TBC1D16: variants seen among roughly 807,000 people sequenced by gnomAD.
TBC1D16 encodes TBC1 domain family member 16.
In TBC1D16, 58 loss-of-function variants were observed where a neutral mutation model predicts 74.7. The observed-to-expected ratio is 0.78, with a 90% CI of 0.63 to 0.97. The LOEUF is 0.97. TBC1D16 is among the 50% of genes least tolerant of loss of function. The pLI is 0.00. For missense variants in TBC1D16, 1,014 were observed against 1,079.5 expected (o/e 0.94, Z 0.85); for synonymous variants, 493 against 474.7 (o/e 1.04, Z -0.50).
chr17:79,951,417 C>A, intron 5 of TBC1D16, 33 bp downstream of exon 5: 1 of 1,606,686 alleles, frequency 6.2e-7, no homozygotes, highest in Non-Finnish European at 8.5e-7. Flanking sequence ...GAGTGTCAAC[C>A]GCTGGGCATT....
intron 9 of TBC1D16, among the ~76,000 whole-genome samples, chr17:79,945,349 C>T (rs537907096): frequency 5.2e-4 from 79 of 152,288 alleles, no homozygotes; most frequent in African/African-American, 1.9e-3. Context: ...GAGTGTTGTG[C>T]CCGGGCGTGG....
At chr17:79,991,787 G>A (rs1271131602) in intron 3 of TBC1D16, among the ~76,000 whole-genome samples, 1 of 151,934 alleles carries the variant, frequency 6.6e-6, no homozygotes, top group Non-Finnish European at 1.5e-5. Context: ...GGGGAAGCCT[G>A]CCATCTGCTG....
intron 1 of TBC1D16, among the ~76,000 whole-genome samples, chr17:80,023,659 C>CCA (rs1192194800): frequency 9.0e-6 from 1 of 111,284 alleles, no homozygotes; most frequent in Non-Finnish European, 2.0e-5. Flanking sequence ...GCTGCCGGGC[C>CCA]CCCCCCCACC....
chr17:80,035,374 C>T lies in TBC1D16; in HGVS notation c.-63+421G>A, dbSNP rs943999186. Among the ~76,000 whole-genome samples the T allele has an allele frequency of 6.6e-6, 1 of 152,178 alleles. No individual in the cohort carries two copies. Among genetic ancestry groups the T allele is most frequent in the East Asian group, 1.9e-4 (1 of 5,156 alleles). ...AGCTGAGCGCGCGCTGCTGGGGGGA[C>T]GCACACTTTGGAGGCTGTGTGGGCG... is the stretch of plus-strand genomic sequence containing the variant. On this transcript the variant is annotated intron_variant, in intron 1 of 11. Coordinates refer to ENST00000310924, the MANE Select transcript of TBC1D16 (RefSeq NM_019020.4). This position sits in a 1 kb window ranked among gnomAD's most constrained non-coding sequence, Gnocchi z 5.3.
chr17:79,996,660 TG>T, intron 3 of TBC1D16, among the ~76,000 whole-genome samples: 1 of 152,094 alleles, frequency 6.6e-6, no homozygotes, highest in Non-Finnish European at 1.5e-5. Context: ...GCGGGAGGAT[TG>T]CTTGAGCCCA....
chr17:79,965,262 A>G (rs896772753), intron 3 of TBC1D16, among the ~76,000 whole-genome samples: 2 of 151,990 alleles, frequency 1.3e-5, no homozygotes, highest in Non-Finnish European at 2.9e-5. Context: ...TTGAATTTTT[A>G]GTAGAGACAG....
chr17:79,991,891 G>A (rs1250893834), intron 3 of TBC1D16: 1 of 150,618 alleles, frequency 6.6e-6, no homozygotes, highest in Non-Finnish European at 1.5e-5. Flanking sequence ...GCTCCGGGCA[G>A]CTGGCGGGGG....
intron 3 of TBC1D16, among the ~76,000 whole-genome samples, chr17:79,997,047 A>C (rs2035299658): frequency 6.6e-6 from 1 of 152,228 alleles, no homozygotes; most frequent in Non-Finnish European, 1.5e-5. Flanking sequence ...AGCTGACATC[A>C]TGCAGGGTTC....
chr17:79,951,629 C>G, intron 4 of TBC1D16, 32 bp from the exon 5 acceptor site: 3 of 1,603,372 alleles, frequency 1.9e-6, no homozygotes, highest in Non-Finnish European at 2.6e-6. Flanking sequence ...GAGAGGGAAG[C>G]CCGATGAATA....
intron 3 of TBC1D16, among the ~76,000 whole-genome samples, chr17:79,958,817 TC>T (rs955608318): frequency 6.6e-6 from 1 of 152,056 alleles, no homozygotes; most frequent in Non-Finnish European, 1.5e-5. Context: ...GGAATTGTTT[TC>T]CCCCAAGAGC....
Position 79,950,444 on chromosome 17 carries a change from C to A in TBC1D16, c.1224G>T (p.Leu408=), listed in dbSNP as rs781246801. Residue 408 remains leucine (L), a synonymous_variant, in exon 6 of 12, where the codon CTG becomes CTT. Transcript: ENST00000310924. This position sits in a 1 kb window ranked among gnomAD's most constrained non-coding sequence, Gnocchi z 4.6. The part of the protein sequence containing the change: ...VSAWLNHLNE[L]GQVEEEYKLR... The stretch of plus-strand genomic sequence containing the variant: ...GCTTGTACTCCTCCTCCACCTGGCC[C>A]AGCTCATTCAGGTGGTTGAGCCAGG... 12 of 1,612,786 alleles carry A rather than the reference C, an allele frequency of 7.4e-6. No individual in the cohort carries two copies. The highest frequency in any genetic ancestry group is 1.0e-5 in the Non-Finnish European group (12 of 1,179,880).
chr17:79,940,994 C>T lies in TBC1D16; in HGVS notation c.2169G>A (p.Val723=). 1 of 1,608,260 alleles carries T rather than the reference C, an allele frequency of 6.2e-7. No individual in the cohort carries two copies. The highest frequency in any genetic ancestry group is 2.2e-5 in the East Asian group (1 of 44,616). The change falls in exon 12 of 12, where the codon GTG becomes GTA. Residue 723 remains valine (V), a synonymous_variant. Transcript: ENST00000310924. The surrounding 1 kb of genome is among the most constrained non-coding windows in gnomAD (Gnocchi z 5.4). ...GMWDSGSMPA[V]ECTGHHPGSE... ...AGCCGGGATGGTGGCCGGTGCACTC[C>T]ACCGCGGGCATGGAGCCGCTGTCCC...
chr17:79,941,350 C>T lies in TBC1D16; in HGVS notation c.2056-243G>A, dbSNP rs1396164892. Among the ~76,000 whole-genome samples, 3 of 152,284 alleles carry T rather than the reference C, an allele frequency of 2.0e-5. No homozygotes were observed. The highest frequency in any genetic ancestry group is 4.4e-5 in the Non-Finnish European group (3 of 68,014). On this transcript the variant is annotated intron_variant, in intron 11 of 11. Transcript: ENST00000310924. The surrounding 1 kb of genome is among the most constrained non-coding windows in gnomAD (Gnocchi z 4.3). ...ACTCGGGCTGTGCTCACAGGTGGCT[C>T]GAGGTGAACAAGGCCCTTGAATGGG...
rs1452920137 is a variant in TBC1D16 at position 79,954,981 on chromosome 17, G to A, written c.780-2163C>T. Reference sequence around the variant, plus strand: ...GATGGAGGGCCCCCTCCCTGCTGCCGTGGCCACAGAAGACTGGTCCCCTGG... The same window carrying A: ...GATGGAGGGCCCCCTCCCTGCTGCCATGGCCACAGAAGACTGGTCCCCTGG... On this transcript the variant is annotated intron_variant, in intron 3 of 11. Transcript: ENST00000310924. The surrounding 1 kb of genome is among the most constrained non-coding windows in gnomAD (Gnocchi z 5.5). 1.3e-5 allele frequency among the ~76,000 whole-genome samples: 2 copies of A among 152,066 alleles called. No individual in the cohort carries two copies. The highest frequency in any genetic ancestry group is 2.1e-4 in the South Asian group (1 of 4,810).
intron 3 of TBC1D16, among the ~76,000 whole-genome samples, chr17:79,976,067 G>T (rs1568603862): frequency 6.6e-6 from 1 of 152,220 alleles, no homozygotes; most frequent in Non-Finnish European, 1.5e-5. Flanking sequence ...TGCACATCCA[G>T]GTCAACCTGT....
chr17:79,982,807 C>T (rs1033067966), intron 3 of TBC1D16, among the ~76,000 whole-genome samples: 11 of 152,004 alleles, frequency 7.2e-5, no homozygotes, highest in East Asian at 1.9e-4. Context: ...TGCAGTGAGC[C>T]GAGATCACGT....
intron 3 of TBC1D16, among the ~76,000 whole-genome samples, chr17:79,953,743 CTT>C (rs1310521580): frequency 3.3e-5 from 5 of 152,030 alleles, no homozygotes; most frequent in Admixed American, 6.6e-5. Context: ...AATCTTGTCT[CTT>C]GAGATTTTTT....
At chr17:80,031,008 G>C (rs1273827458) in intron 1 of TBC1D16, among the ~76,000 whole-genome samples, 1 of 152,142 alleles carries the variant, frequency 6.6e-6, no homozygotes, top group Non-Finnish European at 1.5e-5. Context: ...CGTTGCCCCC[G>C]CTGCAGAACG....
In TBC1D16 at chr17:79,975,924, C is replaced by G. The variant is rs534934994; in HGVS notation, c.780-23106G>C. ...GGCTCTCCAGGCCACGAGATGGGCACAGACCTTCCTGCACCCTCACAGCTT... is the reference window on the plus strand; with the variant it reads ...GGCTCTCCAGGCCACGAGATGGGCAGAGACCTTCCTGCACCCTCACAGCTT... On this transcript the variant is annotated intron_variant, in intron 3 of 11. Coordinates refer to ENST00000310924, the MANE Select transcript of TBC1D16 (RefSeq NM_019020.4). The surrounding 1 kb of genome is among the most constrained non-coding windows in gnomAD (Gnocchi z 4.5). Among the ~76,000 whole-genome samples the G allele has an allele frequency of 6.6e-6, 1 of 152,160 alleles. No homozygotes were observed. Among genetic ancestry groups the G allele is most frequent in the African/African-American group, 2.4e-5 (1 of 41,440 alleles).
Sources: allele counts gnomAD v4.1 joint callset (sites outside exome capture counted in the v4.1 genomes callset), GRCh38; gene constraint gnomAD v4.1.1; non-coding constraint Gnocchi (gnomAD v3.1); transcripts MANE v1.5; gene names NCBI Gene and HGNC (gene_info 2026-07-23, HGNC 2026-07-21).